Variants in ZNF540 observed in about 807,000 individuals in gnomAD.
The protein encoded by ZNF540 is CTD-3064H18.6.
Under a neutral mutation model 11.8 loss-of-function variants are expected in ZNF540, and 3 were observed. The observed-to-expected ratio is 0.25, with a 90% CI of 0.12 to 0.65. The LOEUF (loss-of-function observed/expected upper bound fraction) is 0.65, where lower values mean the gene tolerates loss of function less well. Among genes scored for constraint, ZNF540 ranks in the 30% least tolerant of loss-of-function variants. The pLI is 0.83. For missense variants in ZNF540, 709 were observed against 793.1 expected, an observed-to-expected ratio of 0.89 and a Z score of 1.27; for synonymous variants, 247 against 259.0, an observed-to-expected ratio of 0.95 and a Z score of 0.45.
chr19:37,564,792 T>G, intron 1 of ZNF540: 2 of 1,613,952 alleles, frequency 1.2e-6, no homozygotes, highest in Non-Finnish European at 8.5e-7. Flanking sequence ...AGATGTTCAG[T>G]AAGGTGTGAG....
chr19:37,565,635 G>A (rs1380510920), intron 1 of ZNF540: 2 of 1,613,122 alleles, frequency 1.2e-6, no homozygotes, highest in African/African-American at 2.7e-5. Flanking sequence ...AGAGTATATT[G>A]TGAACAATAA....
chr19:37,565,868 C>A, intron 1 of ZNF540: 4 of 1,613,894 alleles, frequency 2.5e-6, no homozygotes, highest in Non-Finnish European at 3.4e-6. Context: ...AGTCTGAATT[C>A]TCTGATGTTG....
chr19:37,555,965 G>GT (rs1475178325), intron 1 of ZNF540: 4 of 700,934 alleles, frequency 5.7e-6, no homozygotes, highest in African/African-American at 3.5e-5. Context: ...AGAAAAACTG[G>GT]TAAGTATCTC....
At position 37,612,362 on chromosome 19, in the gene ZNF540, G is replaced by A. The variant is rs2044138274; in HGVS notation, c.1082G>A (p.Gly361Glu). The A allele has an allele frequency of 6.2e-7, 1 of 1,614,010 alleles. No homozygotes were observed. The highest frequency in any genetic ancestry group is 8.5e-7 in the Non-Finnish European group (1 of 1,180,000). Residue 361 changes from glycine (G) to glutamate (E), a missense_variant, in exon 5 of 5, where the codon GGA becomes GAA. By Grantham distance (98) the Gly-to-Glu change is moderately conservative (BLOSUM62 -2). Transcript: ENST00000316433. ...GVKPYECKEC[G>E]KTFRLSFYLT... ...AAACCCTACGAATGTAAGGAATGTG[G>A]AAAGACCTTTAGACTTAGTTTTTAC... is the stretch of plus-strand genomic sequence containing the variant.
chr19:37,566,089 GGTAATTTTGACACACAT>G, intron 1 of ZNF540: 1 of 1,614,050 alleles, frequency 6.2e-7, no homozygotes, highest in Non-Finnish European at 8.5e-7. Flanking sequence ...TTTCTTCACA[GGTAATTTTGACACACAT>G]GTAAAGCCCT....
At chr19:37,596,011 T>C (rs569211459) in intron 1 of ZNF540, among the ~76,000 whole-genome samples, 3 of 152,238 alleles carry the variant, frequency 2.0e-5, no homozygotes, top group Non-Finnish European at 2.9e-5. Flanking sequence ...TTTGAGATGA[T>C]TGTAGATTCA....
intron 2 of ZNF540, among the ~76,000 whole-genome samples, 195 bp from the exon 3 acceptor site, chr19:37,599,431 G>T (rs1312848003): frequency 6.6e-6 from 1 of 152,096 alleles, no homozygotes; most frequent in Non-Finnish European, 1.5e-5. Flanking sequence ...ATAGTGGCTG[G>T]ATTCTTCAAG....
chr19:37,609,293 C>T (rs2044108776), intron 4 of ZNF540, among the ~76,000 whole-genome samples: 1 of 152,172 alleles, frequency 6.6e-6, no homozygotes, highest in Non-Finnish European at 1.5e-5. Context: ...CCTGTAATCT[C>T]AGCACTTTGG....
chr19:37,594,371 C>T (rs548413717), upstream of ZNF540: 60 of 152,490 alleles, frequency 3.9e-4, no homozygotes, highest in African/African-American at 1.4e-3. Context: ...CGCACAAGCG[C>T]ACACGCACAC....
intron 1 of ZNF540, chr19:37,555,799 A>G (rs550877297): frequency 6.1e-6 from 4 of 657,958 alleles, no homozygotes; most frequent in Non-Finnish European, 1.1e-5. Context: ...ACATGCCATA[A>G]TACTACTGAG....
At chr19:37,566,207 C>A (rs1314495447) in intron 1 of ZNF540, 12 of 1,613,798 alleles carry the variant, frequency 7.4e-6, no homozygotes, top group African/African-American at 1.3e-5. Context: ...GATACGTTTC[C>A]CCATATTCTC....
At chr19:37,585,603 G>A (rs1459716298) in intron 1 of ZNF540, 5 of 152,112 alleles carry the variant, frequency 3.3e-5, no homozygotes, top group Non-Finnish European at 7.3e-5. Context: ...AGAACTCGGC[G>A]GTCTTTGAAC....
intron 1 of ZNF540, chr19:37,556,001 A>G (rs536746595): frequency 1.7e-5 from 12 of 701,856 alleles, no homozygotes; most frequent in African/African-American, 1.4e-4. Context: ...GGTGATTCCC[A>G]GGACAGAGGT....
chr19:37,604,877 C>T (rs557777884), intron 4 of ZNF540, among the ~76,000 whole-genome samples: 2 of 152,146 alleles, frequency 1.3e-5, no homozygotes, highest in Non-Finnish European at 2.9e-5. Flanking sequence ...AATTTCATAT[C>T]AAATAAATCA....
At chr19:37,568,148 C>T (rs2042926870) in intron 1 of ZNF540, among the ~76,000 whole-genome samples, 2 of 152,150 alleles carry the variant, frequency 1.3e-5, no homozygotes, top group Admixed American at 6.6e-5. Flanking sequence ...CACAGGGTCT[C>T]TGACCACTGT....
chr19:37,600,359 G>A (rs2100129642), intron 3 of ZNF540, among the ~76,000 whole-genome samples: 1 of 152,048 alleles, frequency 6.6e-6, no homozygotes. Flanking sequence ...GTATGGCCCT[G>A]TATCTAAAAT....
chr19:37,611,438 A>G (rs778892946), intron 4 of ZNF540, 75 bp from the exon 5 acceptor site: 2 of 1,245,668 alleles, frequency 1.6e-6, no homozygotes, highest in Admixed American at 2.5e-5. Flanking sequence ...TTTGTTTCCT[A>G]TTTTGAAAAT....
intron 1 of ZNF540, among the ~76,000 whole-genome samples, chr19:37,575,009 C>T (rs2043194751): frequency 6.6e-6 from 1 of 152,166 alleles, no homozygotes; most frequent in Non-Finnish European, 1.5e-5. Flanking sequence ...ATCACCTCCA[C>T]TTCATAACCT....
At chr19:37,574,660 A>G (rs2043182520) in intron 1 of ZNF540, among the ~76,000 whole-genome samples, 1 of 152,210 alleles carries the variant, frequency 6.6e-6, no homozygotes, top group South Asian at 2.1e-4. Flanking sequence ...ACTTTTCAAC[A>G]AACCTAAACA....
Sources: gnomAD v4.1 joint callset for allele counts (sites outside exome capture counted in the v4.1 genomes callset) on GRCh38, gnomAD v4.1.1 for gene constraint, MANE v1.5 for transcripts, NCBI Gene and HGNC (gene_info 2026-07-23, HGNC 2026-07-21) for gene names.